Variants in DTNB observed in about 807,000 individuals in gnomAD.
DTNB encodes dystrobrevin beta, also known as DTN-B.
Under a neutral mutation model 90.7 loss-of-function variants are expected in DTNB, and 63 were observed. The ratio of observed to expected loss-of-function variants is 0.69; its 90% CI spans 0.57 to 0.86. The LOEUF is 0.86. Among genes scored for constraint, DTNB ranks in the 40% least tolerant of loss-of-function variants. The pLI is 0.00. For synonymous variants in DTNB, 277 were observed against 286.7 expected, an observed-to-expected ratio of 0.97 and a Z score of 0.34; for missense variants, 744 against 807.1, an observed-to-expected ratio of 0.92 and a Z score of 0.95.
chr2:25,520,583 G>C lies in DTNB; in HGVS notation c.1001+10890C>G, dbSNP rs143502964. The stretch of plus-strand genomic sequence containing the variant: ...TTACAAATGGTCTTATATTATTCCT[G>C]GTCTGGTGAATTCTGCTGATATATT... On this transcript the variant is annotated intron_variant, in intron 9 of 20. Coordinates refer to ENST00000406818, the MANE Select transcript of DTNB (RefSeq NM_021907.5). 4.2e-3 allele frequency among the ~76,000 whole-genome samples: 636 copies of C among 152,262 alleles called. 4 individuals carry two copies. The highest frequency in any genetic ancestry group is 0.014 in the African/African-American group (597 of 41,534).
chr2:25,613,513 C>T (rs2069243643), intron 4 of DTNB, among the ~76,000 whole-genome samples: 1 of 152,066 alleles, frequency 6.6e-6, no homozygotes, highest in Admixed American at 6.5e-5. Flanking sequence ...GTTTTCTGTT[C>T]CTGCATTAAT....
intron 4 of DTNB, among the ~76,000 whole-genome samples, chr2:25,625,851 G>A (rs2074032098): frequency 6.6e-6 from 1 of 152,054 alleles, no homozygotes. Flanking sequence ...GTATTAGAAG[G>A]TGGGACCTTC....
At chr2:25,454,552 T>A (rs560842035) in intron 11 of DTNB, among the ~76,000 whole-genome samples, 1 of 152,344 alleles carries the variant, frequency 6.6e-6, no homozygotes, top group South Asian at 2.1e-4. Context: ...TGGCTTTAGA[T>A]TGCTTAAACT....
At chr2:25,615,388 G>C (rs960840440) in intron 4 of DTNB, among the ~76,000 whole-genome samples, 2 of 152,082 alleles carry the variant, frequency 1.3e-5, no homozygotes, top group African/African-American at 4.8e-5. Context: ...CTTCCTTCTT[G>C]GAGGTTAAGG....
At chr2:25,569,763 G>C (rs1385387175) in intron 8 of DTNB, among the ~76,000 whole-genome samples, 1 of 152,172 alleles carries the variant, frequency 6.6e-6, no homozygotes, top group Non-Finnish European at 1.5e-5. Context: ...GAAAAGTGAA[G>C]TGCAACTAAT....
In DTNB at chr2:25,487,820, C is replaced by T. The variant is rs542777590; in HGVS notation, c.1002-4947G>A. On this transcript the variant is annotated intron_variant, in intron 9 of 20. Transcript: ENST00000406818. ...GCATCTGAAAGGGAGTAGCTGGAAACGCATGTGGAAAGGTAGAGGAGAGGC... is the reference window on the plus strand; with the variant it reads ...GCATCTGAAAGGGAGTAGCTGGAAATGCATGTGGAAAGGTAGAGGAGAGGC... Among the ~76,000 whole-genome samples, 21 of 152,216 alleles carry T rather than the reference C, an allele frequency of 1.4e-4. 1 individual carries two copies. Among genetic ancestry groups the T allele is most frequent in the South Asian group, 4.1e-4 (2 of 4,826 alleles).
chr2:25,416,178 G>C (rs2149769470), intron 16 of DTNB, among the ~76,000 whole-genome samples: 1 of 152,278 alleles, frequency 6.6e-6, no homozygotes, highest in South Asian at 2.1e-4. Context: ...ATTTTTTGGT[G>C]TAAGAAACCT....
Position 25,527,252 on chromosome 2 carries a change from G to A in DTNB, c.1001+4221C>T, listed in dbSNP as rs995885006. 5.3e-5 allele frequency among the ~76,000 whole-genome samples: 8 copies of A among 152,178 alleles called. No homozygotes were observed. The East Asian group carries it at 7.7e-4, about 15-fold the overall frequency. On this transcript the variant is annotated intron_variant, in intron 9 of 20. Transcript: ENST00000406818. ...GAAATTAGAAAAGGAGTCTGGGCAC[G>A]GTGGTTCACGCCTGTAATCCCAGCA...
intron 2 of DTNB, 98 bp downstream of exon 2, chr2:25,652,496 A>G (rs1377821405): frequency 9.3e-6 from 12 of 1,292,368 alleles, no homozygotes; most frequent in Non-Finnish European, 1.2e-5. Context: ...AGCTTATAAC[A>G]TAAAAGTTGT....
At chr2:25,412,231 G>A (rs932325934) in intron 16 of DTNB, among the ~76,000 whole-genome samples, 5 of 152,140 alleles carry the variant, frequency 3.3e-5, no homozygotes, top group South Asian at 2.1e-4. Context: ...GATCAGAAAG[G>A]GGGGCTTCCT....
intron 16 of DTNB, among the ~76,000 whole-genome samples, chr2:25,393,508 A>G (rs779526897): frequency 9.2e-5 from 14 of 152,222 alleles, no homozygotes; most frequent in Non-Finnish European, 1.5e-4. Flanking sequence ...AAAAGCTCCT[A>G]GAACTGGTAA....
At chr2:25,406,173 A>T (rs2045112176) in intron 16 of DTNB, among the ~76,000 whole-genome samples, 1 of 152,078 alleles carries the variant, frequency 6.6e-6, no homozygotes, top group Non-Finnish European at 1.5e-5. Context: ...GGTTCTGAGA[A>T]TGCCGTGGAG....
intron 9 of DTNB, among the ~76,000 whole-genome samples, chr2:25,508,181 T>G (rs985986856): frequency 2.0e-5 from 3 of 152,298 alleles, no homozygotes; most frequent in East Asian, 1.9e-4. Context: ...AAAACAAGCT[T>G]CATGAGAGCA....
intron 12 of DTNB, among the ~76,000 whole-genome samples, chr2:25,437,677 A>G (rs577286433): frequency 6.6e-6 from 1 of 152,376 alleles, no homozygotes; most frequent in East Asian, 1.9e-4. Flanking sequence ...GAATGATTTC[A>G]TAACAACATA....
chr2:25,595,883 C>T (rs537116456), intron 6 of DTNB, among the ~76,000 whole-genome samples: 10 of 138,342 alleles, frequency 7.2e-5, no homozygotes, highest in Admixed American at 5.8e-4. Context: ...GACACCACCC[C>T]CCCACCCCCA....
chr2:25,642,430 T>TC (rs1321738787), intron 2 of DTNB, among the ~76,000 whole-genome samples: 2 of 151,852 alleles, frequency 1.3e-5, no homozygotes, highest in Non-Finnish European at 2.9e-5. Flanking sequence ...ATTTTTTTTT[T>TC]TTTAGACAGG....
intron 16 of DTNB, among the ~76,000 whole-genome samples, chr2:25,399,917 C>T (rs1167437798): frequency 1.7e-5 from 2 of 120,372 alleles, no homozygotes; most frequent in Non-Finnish European, 3.4e-5. Context: ...CAACACTTTG[C>T]TTCAGTTCTG....
chr2:25,646,512 C>T (rs1435687736), intron 2 of DTNB, among the ~76,000 whole-genome samples: 1 of 152,028 alleles, frequency 6.6e-6, no homozygotes, highest in East Asian at 1.9e-4. Flanking sequence ...AACCTATTCT[C>T]TCTTCAGCCT....
At chr2:25,555,629 T>C (rs993010874) in intron 8 of DTNB, among the ~76,000 whole-genome samples, 3 of 152,172 alleles carry the variant, frequency 2.0e-5, no homozygotes, top group Non-Finnish European at 4.4e-5. Context: ...CTGAGATCAT[T>C]ATATATACTG....
Sources: gnomAD v4.1 joint callset for allele counts (sites outside exome capture counted in the v4.1 genomes callset) on GRCh38, gnomAD v4.1.1 for gene constraint, MANE v1.5 for transcripts, NCBI Gene and HGNC (gene_info 2026-07-23, HGNC 2026-07-21) for gene names.